Variants in SEMA6D observed in about 807,000 individuals in gnomAD.
SEMA6D encodes the protein semaphorin 6D, also known as semaphorin-6D.
Under a neutral mutation model 106.6 loss-of-function variants are expected in SEMA6D, and 35 were observed. The ratio of observed to expected loss-of-function variants is 0.33; its 90% CI spans 0.25 to 0.44. The LOEUF (loss-of-function observed/expected upper bound fraction) is 0.44, where lower values mean the gene tolerates loss of function less well. Among genes scored for constraint, SEMA6D ranks in the 20% least tolerant of loss-of-function variants. The probability of loss-of-function intolerance (pLI) is 1.00; values close to 1 mark genes in which losing one functional copy is unlikely to be tolerated. For missense variants in SEMA6D, 1,185 were observed against 1,345.9 expected (o/e 0.88, Z 1.87); for synonymous variants, 499 against 487.7 (o/e 1.02, Z -0.31).
At chr15:47,616,615 T>C (rs2077012419) in intron 4 of SEMA6D, among the ~76,000 whole-genome samples, 1 of 150,878 alleles carries the variant, frequency 6.6e-6, no homozygotes, top group East Asian at 1.9e-4. Context: ...AGACAAGGTA[T>C]TGTTTAAGTG....
At chr15:47,644,808 A>G (rs1476284005) in intron 4 of SEMA6D, among the ~76,000 whole-genome samples, 1 of 152,182 alleles carries the variant, frequency 6.6e-6, no homozygotes, top group African/African-American at 2.4e-5. Flanking sequence ...TCCCACATCA[A>G]ATAGTTTATA....
intron 1 of SEMA6D, among the ~76,000 whole-genome samples, chr15:47,214,730 A>T (rs1472934693): frequency 6.6e-6 from 1 of 152,186 alleles, no homozygotes; most frequent in African/African-American, 2.4e-5. Context: ...AATTGTGATC[A>T]CTTCTAATTC....
intron 1 of SEMA6D, among the ~76,000 whole-genome samples, chr15:47,378,162 C>T (rs924994198): frequency 6.6e-6 from 1 of 152,126 alleles, no homozygotes; most frequent in Non-Finnish European, 1.5e-5. Flanking sequence ...TGTTGTTTTC[C>T]CTCTGCTTCC....
chr15:47,498,938 A>T (rs888942340), intron 3 of SEMA6D, among the ~76,000 whole-genome samples: 16 of 152,160 alleles, frequency 1.1e-4, no homozygotes, highest in Non-Finnish European at 1.6e-4. Flanking sequence ...GTTCTGTAGT[A>T]TGTAACAGCA....
At chr15:47,548,951 G>A (rs189221761) in intron 3 of SEMA6D, among the ~76,000 whole-genome samples, 1 of 151,990 alleles carries the variant, frequency 6.6e-6, no homozygotes, top group African/African-American at 2.4e-5. Flanking sequence ...ATTATTAATA[G>A]CAACAAGTGT....
intron 4 of SEMA6D, among the ~76,000 whole-genome samples, chr15:47,706,696 CCTCT>C: frequency 6.6e-6 from 1 of 150,906 alleles, no homozygotes; most frequent in East Asian, 1.9e-4. Flanking sequence ...TGTCTCTGGA[CCTCT>C]CTCTCTCTCT....
At chr15:47,354,576 T>C (rs549182057) in intron 1 of SEMA6D, among the ~76,000 whole-genome samples, 61 of 150,490 alleles carry the variant, frequency 4.1e-4, no homozygotes, top group African/African-American at 1.4e-3. Context: ...CATATATATA[T>C]ACACACACAT....
At chr15:47,615,854 T>C (rs1178638273) in intron 4 of SEMA6D, among the ~76,000 whole-genome samples, 2 of 152,226 alleles carry the variant, frequency 1.3e-5, no homozygotes, top group African/African-American at 2.4e-5. Context: ...TTGTTAAAAA[T>C]CTGAAAGGGA....
At chr15:47,396,717 T>C (rs994231334) in intron 1 of SEMA6D, 3 of 152,208 alleles carry the variant, frequency 2.0e-5, no homozygotes, top group Non-Finnish European at 4.4e-5. Context: ...CTGACTCAAA[T>C]GTTAATCTTC....
intron 1 of SEMA6D, among the ~76,000 whole-genome samples, chr15:47,204,984 T>A (rs1489110819): frequency 6.6e-6 from 1 of 152,150 alleles, no homozygotes; most frequent in Non-Finnish European, 1.5e-5. Context: ...TAGCACCTAC[T>A]ATGCTTTGGA....
chr15:47,427,564 A>G (rs941522759), intron 2 of SEMA6D, among the ~76,000 whole-genome samples: 2 of 152,162 alleles, frequency 1.3e-5, no homozygotes, highest in African/African-American at 4.8e-5. Context: ...ATTTATTTCA[A>G]AAAAGAAATG....
chr15:47,281,846 T>C (rs1056273736), intron 1 of SEMA6D, among the ~76,000 whole-genome samples: 2 of 152,152 alleles, frequency 1.3e-5, no homozygotes, highest in Non-Finnish European at 2.9e-5. Context: ...TTATTTTTCA[T>C]TTCTTTATAT....
chr15:47,610,164 CCTTT>C (rs1388196886), intron 4 of SEMA6D, among the ~76,000 whole-genome samples: 3 of 152,168 alleles, frequency 2.0e-5, no homozygotes, highest in Non-Finnish European at 2.9e-5. Context: ...TGCTTCTAGC[CCTTT>C]CTTCCTCCAG....
At chr15:47,367,099 C>T (rs1348565978) in intron 1 of SEMA6D, among the ~76,000 whole-genome samples, 4 of 152,162 alleles carry the variant, frequency 2.6e-5, no homozygotes, top group Admixed American at 2.0e-4. Context: ...TAGCATCTGC[C>T]TCATAGAGTT....
intron 4 of SEMA6D, among the ~76,000 whole-genome samples, chr15:47,624,570 G>A (rs778793592): frequency 6.6e-6 from 1 of 152,194 alleles, no homozygotes; most frequent in Non-Finnish European, 1.5e-5. Flanking sequence ...CAACAAAGCT[G>A]AAATGTAATA....
chr15:47,299,375 C>A (rs998792044), intron 1 of SEMA6D, among the ~76,000 whole-genome samples: 3 of 152,326 alleles, frequency 2.0e-5, no homozygotes, highest in South Asian at 2.1e-4. Context: ...CAGCACATAA[C>A]CTTCGAAGAC....
intron 1 of SEMA6D, among the ~76,000 whole-genome samples, chr15:47,320,262 T>G (rs1425356848): frequency 6.6e-6 from 1 of 152,138 alleles, no homozygotes; most frequent in South Asian, 2.1e-4. Context: ...CTCATGAGCT[T>G]CTTCTCTGCA....
chr15:47,537,546 A>G (rs981608504), intron 3 of SEMA6D, among the ~76,000 whole-genome samples: 2 of 152,136 alleles, frequency 1.3e-5, no homozygotes, highest in South Asian at 4.1e-4. Flanking sequence ...AAGGAGAAAG[A>G]CTTTAAAATT....
chr15:47,702,011 C>T (rs1337890028), intron 4 of SEMA6D, among the ~76,000 whole-genome samples: 3 of 152,126 alleles, frequency 2.0e-5, no homozygotes, highest in Admixed American at 6.6e-5. Context: ...TTCCTATACT[C>T]GACATTTTTC....
Sources: gnomAD v4.1 joint callset for allele counts (sites outside exome capture counted in the v4.1 genomes callset) on GRCh38, gnomAD v4.1.1 for gene constraint, MANE v1.5 for transcripts, NCBI Gene and HGNC (gene_info 2026-07-23, HGNC 2026-07-21) for gene names.